Variants in ANKRD42 observed in about 807,000 individuals in gnomAD.
ANKRD42 encodes ankyrin repeat domain-containing protein 42.
ANKRD42 carries 43 observed loss-of-function variants against 51.5 expected under a neutral mutation model. That is an observed-to-expected ratio of 0.83 (90% CI 0.65 to 1.08). The LOEUF (loss-of-function observed/expected upper bound fraction) is 1.08. Among genes scored for constraint, ANKRD42 ranks in the 50% least tolerant of loss-of-function variants. ANKRD42 has a pLI of 0.00. For synonymous variants in ANKRD42, 203 were observed against 213.0 expected (o/e 0.95, Z 0.41); for missense variants, 608 against 629.3 (o/e 0.97, Z 0.36).
At chr11:83,216,056 A>G (rs893905458) in intron 5 of ANKRD42, among the ~76,000 whole-genome samples, 5 of 152,072 alleles carry the variant, frequency 3.3e-5, no homozygotes, top group African/African-American at 1.2e-4. Context: ...CGGCCACCCA[A>G]AGTGCTGGGA....
chr11:83,245,454 CTGTTATATGTCTA>C lies in ANKRD42; in HGVS notation c.1196-43_1196-31del, dbSNP rs1863515882. ...TACCAGCACCCAGTGGACACATGAG[CTGTTATATGTCTA>C]ACTAGGTTCCTACTCAACTCTGTCT... On this transcript the variant is annotated intron_variant, in intron 9 of 10. Transcript: ENST00000533342. The C allele has an allele frequency of 7.2e-6, 11 of 1,525,296 alleles. No individual in the cohort carries two copies. The East Asian group carries it at 2.7e-4, about 37-fold the overall frequency. The allele number at this position is 1,525,296 out of a possible 1,614,324, so 94.5% of individuals were successfully genotyped here. A position where few individuals can be genotyped will look rare whatever the true frequency, so the allele number is the denominator to read the frequency against.
At chr11:83,254,430 CTTTTCT>C (rs1189023724) in intron 11 of ANKRD42, among the ~76,000 whole-genome samples, 26 of 130,412 alleles carry the variant, frequency 2.0e-4, no homozygotes, top group East Asian at 9.2e-4. Context: ...TTTCTTTTTT[CTTTTCT>C]TTTTTTTTTT....
downstream of ANKRD42, among the ~76,000 whole-genome samples, chr11:83,249,326 C>T (rs192623645): frequency 3.3e-5 from 5 of 152,316 alleles, no homozygotes; most frequent in African/African-American, 1.2e-4. Flanking sequence ...CTTGCCTCAG[C>T]CTCCCAAGTA....
chr11:83,194,832 C>T (rs767759924), intron 1 of ANKRD42, 104 bp downstream of exon 1: 61 of 1,176,334 alleles, frequency 5.2e-5, no homozygotes, highest in Non-Finnish European at 6.8e-5. Context: ...TCAGCCGTCA[C>T]TCCCCCCTTT....
chr11:83,195,645 A>G (rs1409872625), intron 1 of ANKRD42, among the ~76,000 whole-genome samples: 1 of 152,140 alleles, frequency 6.6e-6, no homozygotes, highest in Non-Finnish European at 1.5e-5. Flanking sequence ...TCAGATGATA[A>G]AGCCACACAC....
At chr11:83,242,315 T>C (rs1417036874) in intron 9 of ANKRD42, among the ~76,000 whole-genome samples, 1 of 152,136 alleles carries the variant, frequency 6.6e-6, no homozygotes, top group Non-Finnish European at 1.5e-5. Flanking sequence ...GAAAGCCCAT[T>C]TTCCTTCATA....
intron 5 of ANKRD42, chr11:83,212,954 C>T (rs1193502721): frequency 8.4e-6 from 13 of 1,543,584 alleles, no homozygotes; most frequent in Non-Finnish European, 1.1e-5. Flanking sequence ...AACAAAAAGC[C>T]CCTCTCTCGG....
chr11:83,202,279 G>T (rs1861902494), intron 2 of ANKRD42, among the ~76,000 whole-genome samples: 3 of 152,154 alleles, frequency 2.0e-5, no homozygotes, highest in Non-Finnish European at 4.4e-5. Flanking sequence ...AGTCAGATTT[G>T]TTGAAGATCA....
chr11:83,210,511 C>T (rs763633777), intron 4 of ANKRD42, 92 bp downstream of exon 4: 115 of 1,433,778 alleles, frequency 8.0e-5, no homozygotes, highest in Non-Finnish European at 9.5e-5. Flanking sequence ...CTTTTTAGAT[C>T]TCTTAATATG....
At chr11:83,230,041 A>C (rs1341353595) in intron 7 of ANKRD42, among the ~76,000 whole-genome samples, 1 of 152,140 alleles carries the variant, frequency 6.6e-6, no homozygotes, top group African/African-American at 2.4e-5. Flanking sequence ...CAATTAAGTT[A>C]TTATTGACTA....
chr11:83,220,751 A>G (rs1862694970), intron 5 of ANKRD42, among the ~76,000 whole-genome samples: 1 of 152,052 alleles, frequency 6.6e-6, no homozygotes, highest in Non-Finnish European at 1.5e-5. Context: ...TTTTTTTGCC[A>G]GACAAACTGG....
At chr11:83,216,404 G>A (rs1051023655) in intron 5 of ANKRD42, among the ~76,000 whole-genome samples, 1 of 151,458 alleles carries the variant, frequency 6.6e-6, no homozygotes, top group African/African-American at 2.4e-5. Context: ...GCTCACTGCA[G>A]GCTCCACCCC....
downstream of ANKRD42, among the ~76,000 whole-genome samples, chr11:83,262,137 C>T (rs1238442158): frequency 6.6e-6 from 1 of 152,152 alleles, no homozygotes; most frequent in East Asian, 1.9e-4. Context: ...TTCTTAAGGG[C>T]AGCCTTAATG....
rs536566188 is a variant in ANKRD42, at chr11:83,198,052, G to A, written c.59-427G>A. On this transcript the variant is annotated intron_variant, in intron 1 of 10. Transcript: ENST00000533342. The stretch of plus-strand genomic sequence containing the variant: ...GAAAGTGTAGTGGCTCCCTAGGTAA[G>A]AGTGTGGCCCTTAGAAGTTTCTCAT... 9.1e-4 allele frequency among the ~76,000 whole-genome samples: 139 copies of A among 152,306 alleles called. 2 individuals carry two copies. The highest frequency in any genetic ancestry group is 3.4e-3 in the Middle Eastern group (1 of 294).
chr11:83,225,702 C>T (rs1862858569), intron 6 of ANKRD42, among the ~76,000 whole-genome samples: 1 of 147,990 alleles, frequency 6.8e-6, no homozygotes, highest in South Asian at 2.1e-4. Flanking sequence ...ATCACCTGAA[C>T]CTGGGAGGTG....
At chr11:83,258,076 T>C (rs1276037401), downstream of ANKRD42, among the ~76,000 whole-genome samples, 1 of 152,078 alleles carries the variant, frequency 6.6e-6, no homozygotes, top group Non-Finnish European at 1.5e-5. Context: ...TGGTGGTGAG[T>C]CAGCCACTGG....
chr11:83,241,077 T>A, intron 9 of ANKRD42, 143 bp downstream of exon 9: 1 of 928,648 alleles, frequency 1.1e-6, no homozygotes, highest in Non-Finnish European at 1.6e-6. Flanking sequence ...AGAACTAATA[T>A]AAGTTTTTGT....
downstream of ANKRD42, among the ~76,000 whole-genome samples, chr11:83,253,814 C>G (rs1222784586): frequency 2.6e-5 from 4 of 152,102 alleles, no homozygotes; most frequent in Non-Finnish European, 5.9e-5. Context: ...TTATGGAAGG[C>G]CTGTTGAATG....
rs1345021294 is a variant in ANKRD42 at position 83,194,314 on chromosome 11, A to C, written c.-357A>C. 1 of 514,546 alleles carries C rather than the reference A, an allele frequency of 1.9e-6. No individual in the cohort carries two copies. The highest frequency in any genetic ancestry group is 1.5e-5 in the South Asian group (1 of 65,078). The allele number at this position is 514,546 out of a possible 1,614,324, so 31.9% of individuals were successfully genotyped here. On this transcript the variant is annotated 5_prime_UTR_variant, in exon 1 of 11. Transcript: ENST00000533342. The stretch of plus-strand genomic sequence containing the variant: ...CGGGGATAGAGTCAGTGACGATCGC[A>C]GTCGCCGCTTCAGTGGCTCCTGGGA...
Sources: gnomAD v4.1 joint callset for allele counts (sites outside exome capture counted in the v4.1 genomes callset) on GRCh38, gnomAD v4.1.1 for gene constraint, MANE v1.5 for transcripts, NCBI Gene and HGNC (gene_info 2026-07-23, HGNC 2026-07-21) for gene names.